The following SLC41A3 variants were observed in gnomAD, a reference collection of about 807,000 sequenced individuals.
SLC41A3 encodes the protein solute carrier family 41 member 3.
SLC41A3 carries 44 observed loss-of-function variants against 45.4 expected under a neutral mutation model. The observed-to-expected ratio is 0.97, with a 90% CI of 0.76 to 1.25. The LOEUF (loss-of-function observed/expected upper bound fraction) is 1.25, where lower values mean the gene tolerates loss of function less well. Ranked by LOEUF, SLC41A3 falls within the 50% of genes most tolerant of loss-of-function variation. The probability of loss-of-function intolerance (pLI) is 0.00; values close to 1 mark genes in which losing one functional copy is unlikely to be tolerated. For synonymous variants in SLC41A3, 256 were observed against 252.4 expected, an observed-to-expected ratio of 1.01 and a Z score of -0.13; for missense variants, 550 against 600.6, an observed-to-expected ratio of 0.92 and a Z score of 0.88.
At chr3:126,059,223 AAGAAAG>A (rs1297951484) in intron 2 of SLC41A3, among the ~76,000 whole-genome samples, 1 of 79,204 alleles carries the variant, frequency 1.3e-5, no homozygotes, top group African/African-American at 4.9e-5. Flanking sequence ...TCAGTCAAAA[AAGAAAG>A]AAAGAGAAAG....
chr3:126,076,843 A>ATTCTTTTCATGTCCAGT (rs1377015607), intron 1 of SLC41A3, among the ~76,000 whole-genome samples: 17 of 152,150 alleles, frequency 1.1e-4, no homozygotes, highest in Non-Finnish European at 2.2e-4. Flanking sequence ...CACTCCACGG[A>ATTCTTTTCATGTCCAGT]TTCTTTTCAT....
intron 1 of SLC41A3, among the ~76,000 whole-genome samples, chr3:126,094,852 G>A (rs1945562563): frequency 1.3e-5 from 2 of 152,310 alleles, no homozygotes; most frequent in East Asian, 1.9e-4. Flanking sequence ...GCCTATTAAT[G>A]TGATTTCTGA....
Position 126,036,848 on chromosome 3 carries a change from T to C in SLC41A3, c.382-3170A>G, listed in dbSNP as rs370622645. Among the ~76,000 whole-genome samples the C allele has an allele frequency of 3.3e-5, 5 of 152,330 alleles. No individual in the cohort carries two copies. The South Asian group carries it at 6.2e-4, about 19-fold the overall frequency. On this transcript the variant is annotated intron_variant, in intron 3 of 10. Transcript: ENST00000360370. ...TTTTGCTATCCTTCTCCTTTCCAGA[T>C]TGGGGTAAGACAATCCTTTAACATT...
chr3:126,031,360 CAA>C (rs1016032084), intron 4 of SLC41A3, among the ~76,000 whole-genome samples: 7 of 152,154 alleles, frequency 4.6e-5, no homozygotes, highest in Admixed American at 2.0e-4. Flanking sequence ...ATTTCATGCA[CAA>C]AGATACTTTC....
intron 10 of SLC41A3, 95 bp from the exon 11 acceptor site, chr3:126,007,320 G>T: frequency 7.3e-7 from 1 of 1,372,316 alleles, no homozygotes; most frequent in Non-Finnish European, 1.0e-6. Context: ...AGATACCAAG[G>T]TGGACAGGTC....
intron 7 of SLC41A3, among the ~76,000 whole-genome samples, chr3:126,015,826 A>T (rs1940224092): frequency 6.6e-6 from 1 of 152,144 alleles, no homozygotes; most frequent in Admixed American, 6.5e-5. Flanking sequence ...TTATTGCAAA[A>T]CTAACAAATG....
chr3:126,069,673 GT>G (rs748137133), intron 1 of SLC41A3, among the ~76,000 whole-genome samples: 3 of 152,146 alleles, frequency 2.0e-5, no homozygotes, highest in Admixed American at 1.3e-4. Context: ...TGAATTGGCT[GT>G]TTTAAATATG....
Position 126,068,164 on chromosome 3 carries a change from TC to T in SLC41A3, c.55del (p.Glu19SerfsTer15), listed in dbSNP as rs1270300182. 1 of 1,592,118 alleles carries T rather than the reference TC, an allele frequency of 6.3e-7. No individual in the cohort carries two copies. The highest frequency in any genetic ancestry group is 8.6e-7 in the Non-Finnish European group (1 of 1,169,486). On this transcript the variant is annotated frameshift_variant, in exon 2 of 11. Transcript: ENST00000360370. LOFTEE classifies it high-confidence loss of function. ...RRLDSCGKPG[E>X]LGLPHPLSTG... The stretch of plus-strand genomic sequence containing the variant: ...GCTGAGGGGGTGAGGAAGCCCCAGC[TC>T]CCCTGGCTTGCCACAGCTGTCCAGC...
intron 4 of SLC41A3, among the ~76,000 whole-genome samples, chr3:126,030,719 G>T (rs908592246): frequency 6.6e-5 from 10 of 152,200 alleles, no homozygotes; most frequent in African/African-American, 2.4e-4. Flanking sequence ...AGGTAGGTCG[G>T]TGGGTGAGTG....
intron 3 of SLC41A3, among the ~76,000 whole-genome samples, chr3:126,046,264 A>G (rs1288383028): frequency 6.6e-6 from 1 of 152,182 alleles, no homozygotes; most frequent in African/African-American, 2.4e-5. Flanking sequence ...CAAGAAATAA[A>G]AAAAGTAAAA....
Position 126,095,144 on chromosome 3 carries a change from G to C in SLC41A3, c.-79+6285C>G, listed in dbSNP as rs931525445. On this transcript the variant is annotated intron_variant, in intron 1 of 9. Coordinates refer to the SLC41A3 transcript ENST00000508835. ...CCAATAACAAAAAATTGGGAAATAG[G>C]TAAAATAATAACTTGGGGTAGAGGT... 1.7e-5 allele frequency: 10 copies of C among 604,804 alleles called. No individual in the cohort carries two copies. The African/African-American group carries it at 1.7e-4, about 10-fold the overall frequency. 37.5% of individuals were successfully genotyped at this position (604,804 alleles called of 1,614,324 possible).
rs115488504 is a variant in SLC41A3 at position 126,014,891 on chromosome 3, T to C, written c.970+603A>G. Among the ~76,000 whole-genome samples, 613 of 152,162 alleles carry C rather than the reference T, an allele frequency of 4.0e-3. 3 individuals carry two copies. Among genetic ancestry groups the C allele is most frequent in the African/African-American group, 0.014 (576 of 41,518 alleles). On this transcript the variant is annotated intron_variant, in intron 8 of 10. Transcript: ENST00000360370. ...TCATCCACACAAACCCCACAGGGTG[T>C]AGGCCTAGGAGGTAAGTATGTGCAG...
At chr3:126,069,243 AGCAGCAGGTAAAG>A (rs1159181456) in intron 1 of SLC41A3, among the ~76,000 whole-genome samples, 1 of 152,036 alleles carries the variant, frequency 6.6e-6, no homozygotes, top group Non-Finnish European at 1.5e-5. Context: ...ACTTTGCACA[AGCAGCAGGTAAAG>A]GCTGGGGAGG....
chr3:126,054,986 C>T (rs961207704), intron 2 of SLC41A3, among the ~76,000 whole-genome samples: 2 of 151,962 alleles, frequency 1.3e-5, no homozygotes, highest in Non-Finnish European at 2.9e-5. Context: ...AGGGGATGAG[C>T]GTCCCATCAA....
In SLC41A3 at chr3:126,033,644, T is replaced by G; in HGVS notation, c.416A>C (p.Gln139Pro). 6.2e-7 allele frequency: 1 copy of G among 1,613,228 alleles called. No individual in the cohort carries two copies. Among genetic ancestry groups the G allele is most frequent in the Non-Finnish European group, 8.5e-7 (1 of 1,179,908 alleles). ...NTGQIDDPQEQHRVISSNLAL... is the reference protein window; with the variant it reads ...NTGQIDDPQEPHRVISSNLAL... ...CAGGTTGCTGCTGATGACTCTGTGC[T>G]GCTCCTGGGGGTCATCAATTTGTCC... Residue 139 changes from glutamine to proline, a missense_variant, in exon 4 of 11, where the codon CAG becomes CCG. Coordinates refer to ENST00000360370, the MANE Select transcript of SLC41A3 (RefSeq NM_017836.4).
At chr3:126,027,603 T>C (rs1941467644) in intron 4 of SLC41A3, among the ~76,000 whole-genome samples, 1 of 152,188 alleles carries the variant, frequency 6.6e-6, no homozygotes, top group Non-Finnish European at 1.5e-5. Flanking sequence ...GTTATAAAGA[T>C]ACCTGAAAAT....
chr3:126,026,540 C>T lies in SLC41A3; in HGVS notation c.454-61G>A. On this transcript the variant is annotated intron_variant, in intron 4 of 10. Transcript: ENST00000360370. This position sits in a 1 kb window ranked among gnomAD's most constrained non-coding sequence, Gnocchi z 4.2. Reference sequence around the variant, plus strand: ...CCGGGGCCACAGCCACACTCCCTGCCCTTCACACCTCACTCACCGCAAGGG... The same window carrying T: ...CCGGGGCCACAGCCACACTCCCTGCTCTTCACACCTCACTCACCGCAAGGG... 6.4e-7 allele frequency: 1 copy of T among 1,563,282 alleles called. No homozygotes were observed.
intron 4 of SLC41A3, 123 bp downstream of exon 4, chr3:126,033,484 C>T: frequency 9.7e-7 from 1 of 1,028,652 alleles, no homozygotes; most frequent in Non-Finnish European, 1.5e-6. Context: ...GGACAGGTAG[C>T]TACCTGTTCT....
chr3:126,074,610 C>T (rs996541469), intron 1 of SLC41A3, among the ~76,000 whole-genome samples: 3 of 151,884 alleles, frequency 2.0e-5, no homozygotes, highest in Non-Finnish European at 2.9e-5. Flanking sequence ...GACTGGAGGA[C>T]GCAGGTCAAT....
Sources: gnomAD v4.1 joint callset for allele counts (sites outside exome capture counted in the v4.1 genomes callset) on GRCh38, gnomAD v4.1.1 for gene constraint, Gnocchi (gnomAD v3.1) non-coding constraint, MANE v1.5 for transcripts, NCBI Gene and HGNC (gene_info 2026-07-23, HGNC 2026-07-21) for gene names.